GALNT16: variants seen among roughly 807,000 people sequenced by gnomAD.
GALNT16 encodes the protein polypeptide N-acetylgalactosaminyltransferase 16.
A neutral mutation model predicts 76.1 loss-of-function variants in GALNT16; 40 were observed. That is an observed-to-expected ratio of 0.53 (90% CI 0.41 to 0.68). GALNT16 has a LOEUF of 0.68. Among genes scored for constraint, GALNT16 ranks in the 30% least tolerant of loss-of-function variants. The pLI is 0.00. For missense variants in GALNT16, 621 were observed against 731.9 expected (o/e 0.85, Z 1.75); for synonymous variants, 276 against 285.2 (o/e 0.97, Z 0.32).
chr14:69,341,437 C>A (rs190204172), intron 11 of GALNT16, among the ~76,000 whole-genome samples: 6 of 152,344 alleles, frequency 3.9e-5, no homozygotes, highest in Admixed American at 3.9e-4. Flanking sequence ...GGTCTGTGCT[C>A]ACCCTGAAAG....
chr14:69,342,474 A>C (rs376203905), intron 12 of GALNT16, among the ~76,000 whole-genome samples: 11 of 31,528 alleles, frequency 3.5e-4, no homozygotes, highest in South Asian at 1.3e-3. Context: ...AGAAGGAAGG[A>C]AGGGAGGGAG....
chr14:69,357,290 A>C (rs184034389), downstream of GALNT16: 1 of 152,394 alleles, frequency 6.6e-6, no homozygotes. Context: ...ATTCCAGGCA[A>C]TGCCTGCCTC....
intron 5 of GALNT16, 100 bp from the exon 6 acceptor site, chr14:69,328,350 C>A: frequency 8.1e-7 from 1 of 1,240,022 alleles, no homozygotes; most frequent in South Asian, 1.4e-5. Context: ...CTCAGGAAGC[C>A]TCAGCCCCTG....
chr14:69,368,138 G>A, the GALNT16 span, among the ~76,000 whole-genome samples: 2 of 152,092 alleles, frequency 1.3e-5, no homozygotes, highest in Non-Finnish European at 2.9e-5. Flanking sequence ...TTCTTTATCA[G>A]CCAAAACCTC....
At chr14:69,279,625 GA>G (rs2140114395) in intron 1 of GALNT16, among the ~76,000 whole-genome samples, 1 of 152,386 alleles carries the variant, frequency 6.6e-6, no homozygotes, top group South Asian at 2.1e-4. Context: ...GTGGGTGTGG[GA>G]AAGGCTGTGG....
chr14:69,341,533 G>C (rs952259105), intron 11 of GALNT16, 148 bp from the exon 12 acceptor site: 13 of 619,970 alleles, frequency 2.1e-5, no homozygotes, highest in Non-Finnish European at 3.5e-5. Flanking sequence ...CATCAGATAA[G>C]TGGCCAGGGC....
At chr14:69,300,801 A>C (rs2044840666) in intron 1 of GALNT16, among the ~76,000 whole-genome samples, 1 of 151,616 alleles carries the variant, frequency 6.6e-6, no homozygotes, top group South Asian at 2.1e-4. Flanking sequence ...TCCTGTTCCT[A>C]CCCCCACACT....
intron 12 of GALNT16, among the ~76,000 whole-genome samples, chr14:69,344,954 G>A (rs373874757): frequency 6.6e-6 from 1 of 152,172 alleles, no homozygotes; most frequent in South Asian, 2.1e-4. Context: ...TTCTTACAGT[G>A]GTCAGGCAGG....
At chr14:69,286,009 C>T (rs1594821978) in intron 1 of GALNT16, among the ~76,000 whole-genome samples, 1 of 152,144 alleles carries the variant, frequency 6.6e-6, no homozygotes, top group East Asian at 1.9e-4. Context: ...TAGGTGTGGC[C>T]TACCCTGCCA....
At chr14:69,338,398 T>C (rs2045440622) in intron 9 of GALNT16, among the ~76,000 whole-genome samples, 1 of 152,242 alleles carries the variant, frequency 6.6e-6, no homozygotes, top group African/African-American at 2.4e-5. Context: ...TTCAAGCTTT[T>C]TCCACTGCTC....
At chr14:69,286,785 T>C (rs545054342) in intron 1 of GALNT16, among the ~76,000 whole-genome samples, 11 of 152,164 alleles carry the variant, frequency 7.2e-5, no homozygotes, top group African/African-American at 2.4e-4. Context: ...CAAGCAAATA[T>C]AGCAAAATGT....
At chr14:69,325,021 A>G (rs563904344) in intron 3 of GALNT16, among the ~76,000 whole-genome samples, 4 of 152,328 alleles carry the variant, frequency 2.6e-5, no homozygotes, top group Admixed American at 2.0e-4. Flanking sequence ...GCAGAAATGC[A>G]GGTGTCAGGA....
At chr14:69,377,792 G>A in the GALNT16 span, among the ~76,000 whole-genome samples, 2 of 99,756 alleles carry the variant, frequency 2.0e-5, no homozygotes, top group African/African-American at 7.9e-5. Flanking sequence ...GGGTGATAGA[G>A]TGAGACTGTC....
At chr14:69,328,201 G>A (rs1337844910) in intron 5 of GALNT16, among the ~76,000 whole-genome samples, 5 of 152,074 alleles carry the variant, frequency 3.3e-5, no homozygotes, top group African/African-American at 1.2e-4. Flanking sequence ...TGTGTCCCTA[G>A]AGCCCAGACA....
At chr14:69,325,520 C>T (rs905665387) in intron 4 of GALNT16, 116 bp downstream of exon 4, 15 of 736,164 alleles carry the variant, frequency 2.0e-5, no homozygotes, top group Middle Eastern at 3.4e-4. Context: ...CTTTCTGCCC[C>T]CAGCAGGGAT....
intron 1 of GALNT16, among the ~76,000 whole-genome samples, chr14:69,314,608 G>C (rs553893034): frequency 6.6e-6 from 1 of 152,374 alleles, no homozygotes; most frequent in South Asian, 2.1e-4. Flanking sequence ...GGCAGGCTCA[G>C]GGAGGCCCTG....
Position 69,341,680 on chromosome 14 carries a change from G to A in GALNT16, c.1188-1G>A. On this transcript the variant is annotated splice_acceptor_variant, in intron 11 of 14. Transcript: ENST00000448469. LOFTEE classifies it high-confidence loss of function. ...AGCCCAAGCCCTGCCTCCTCCTACA[G>A]TGTGGCTACGCGGATAGAGCAGAGG... The A allele has an allele frequency of 6.2e-7, 1 of 1,608,432 alleles. No individual in the cohort carries two copies. Among genetic ancestry groups the A allele is most frequent in the Non-Finnish European group, 8.5e-7 (1 of 1,176,222 alleles).
intron 1 of GALNT16, among the ~76,000 whole-genome samples, chr14:69,304,980 T>C (rs144915511): frequency 1.5e-3 from 229 of 152,210 alleles, no homozygotes; most frequent in Middle Eastern, 6.8e-3. Flanking sequence ...TTTGGATAAA[T>C]ACCCAGAGTG....
chr14:69,307,401 T>A (rs2044951548), intron 1 of GALNT16, among the ~76,000 whole-genome samples: 1 of 152,208 alleles, frequency 6.6e-6, no homozygotes, highest in Admixed American at 6.5e-5. Context: ...TGATCTGCAA[T>A]AAATATGTAT....
Sources: gnomAD v4.1 joint callset for allele counts (sites outside exome capture counted in the v4.1 genomes callset) on GRCh38, gnomAD v4.1.1 for gene constraint, MANE v1.5 for transcripts, NCBI Gene and HGNC (gene_info 2026-07-23, HGNC 2026-07-21) for gene names.